Variants in NCAPH observed in about 807,000 individuals in gnomAD.
The protein encoded by NCAPH is condensin complex subunit 2.
In NCAPH, 38 loss-of-function variants were observed where a neutral mutation model predicts 85.5. That is an observed-to-expected ratio of 0.44 (90% CI 0.34 to 0.58). NCAPH has a LOEUF of 0.58. NCAPH is among the 20% of genes least tolerant of loss of function. The pLI, the probability that NCAPH is intolerant of heterozygous loss-of-function variation, is 0.01. For missense variants in NCAPH, 789 were observed against 916.6 expected (o/e 0.86, Z 1.80); for synonymous variants, 301 against 335.1 (o/e 0.90, Z 1.11).
In NCAPH at chr2:96,359,194, G is replaced by A. The variant is rs1469069204; in HGVS notation, c.1357+1G>A. Reference sequence around the variant, plus strand: ...TGGCGCTTTAGGCCTCGACGCAAACGTATGTAATTCTAGGTGGAATTTTAA... The same window carrying A: ...TGGCGCTTTAGGCCTCGACGCAAACATATGTAATTCTAGGTGGAATTTTAA... On this transcript the variant is annotated splice_donor_variant, in intron 10 of 17. Coordinates refer to ENST00000240423, the MANE Select transcript of NCAPH (RefSeq NM_015341.5). LOFTEE classifies it high-confidence loss of function. The A allele has an allele frequency of 3.1e-6, 5 of 1,613,638 alleles. No homozygotes were observed. The highest frequency in any genetic ancestry group is 3.3e-5 in the Admixed American group (2 of 59,908).
rs1484865074 is a variant in NCAPH at position 96,373,823 on chromosome 2, TTAA to T, written c.*478_*480del. On this transcript the variant is annotated 3_prime_UTR_variant, in exon 18 of 18. Coordinates refer to ENST00000240423, the MANE Select transcript of NCAPH (RefSeq NM_015341.5). ...TATAGAATGCTCAAAAATAAAATTC[TTAA>T]TAATAGAACTGGCAAAATATTTGAG... 1 of 151,354 alleles carries T rather than the reference TTAA, an allele frequency of 6.6e-6. No homozygotes were observed. The highest frequency in any genetic ancestry group is 1.5e-5 in the Non-Finnish European group (1 of 68,276). The allele number at this position is 151,354 out of a possible 1,614,324, so 9.4% of individuals were successfully genotyped here. A position where few individuals can be genotyped will look rare whatever the true frequency, so the allele number is the denominator to read the frequency against.
Position 96,343,479 on chromosome 2 carries a change from A to G in NCAPH, c.595+175A>G, listed in dbSNP as rs148747230. 3.2e-4 allele frequency among the ~76,000 whole-genome samples: 49 copies of G among 152,360 alleles called. No individual in the cohort carries two copies. In the East Asian group the frequency reaches 8.1e-3, roughly 25 times the overall value. On this transcript the variant is annotated intron_variant, in intron 5 of 17. Transcript: ENST00000240423. ...GAGAAGATACTCAAACACTAAAATT[A>G]TATTTCCTTGAAAAAGAGAAGGGCC... is the stretch of plus-strand genomic sequence containing the variant.
intron 12 of NCAPH, among the ~76,000 whole-genome samples, chr2:96,361,792 A>G (rs1323320700): frequency 8.5e-6 from 1 of 118,278 alleles, no homozygotes; most frequent in African/African-American, 3.1e-5. Flanking sequence ...ACACATATAT[A>G]TGTATATATA....
At chr2:96,371,656 CTTG>C (rs2064774476) in intron 17 of NCAPH, among the ~76,000 whole-genome samples, 1 of 152,176 alleles carries the variant, frequency 6.6e-6, no homozygotes, top group Non-Finnish European at 1.5e-5. Flanking sequence ...CAGCCCATGA[CTTG>C]TTGGGCTGAG....
intron 6 of NCAPH, among the ~76,000 whole-genome samples, chr2:96,348,379 C>T (rs1023253826): frequency 6.6e-6 from 1 of 151,790 alleles, no homozygotes; most frequent in Admixed American, 6.6e-5. Context: ...TTAGGAGAGA[C>T]GGGGTTTCAC....
At chr2:96,370,915 G>A (rs571063162) in intron 17 of NCAPH, among the ~76,000 whole-genome samples, 3 of 152,146 alleles carry the variant, frequency 2.0e-5, no homozygotes, top group Non-Finnish European at 4.4e-5. Context: ...GCTGTTGGGG[G>A]GCAGTAAGGC....
chr2:96,352,970 G>C (rs111284082), intron 7 of NCAPH, among the ~76,000 whole-genome samples: 1 of 152,172 alleles, frequency 6.6e-6, no homozygotes, highest in African/African-American at 2.4e-5. Context: ...AAGACGAAGC[G>C]TTTGATTTCC....
chr2:96,367,175 T>C (rs2064711974), intron 14 of NCAPH, 82 bp from the exon 15 acceptor site: 1 of 958,370 alleles, frequency 1.0e-6, no homozygotes, highest in South Asian at 1.4e-5. Context: ...TTAGTTGAAC[T>C]CCAGACCTTT....
At chr2:96,358,492 G>A (rs147359096) in intron 9 of NCAPH, among the ~76,000 whole-genome samples, 39 of 151,648 alleles carry the variant, frequency 2.6e-4, no homozygotes, top group South Asian at 2.3e-3. Flanking sequence ...TTTTTGAGAC[G>A]GAGTCTCACT....
intron 6 of NCAPH, 105 bp downstream of exon 6, chr2:96,344,334 T>A (rs1367507885): frequency 7.6e-7 from 1 of 1,320,360 alleles, no homozygotes; most frequent in African/African-American, 1.5e-5. Context: ...TGTTTAAGCC[T>A]CAAGGGAGTA....
At chr2:96,343,711 T>G (rs1282496150) in intron 5 of NCAPH, among the ~76,000 whole-genome samples, 2 of 151,924 alleles carry the variant, frequency 1.3e-5, no homozygotes, top group African/African-American at 4.8e-5. Flanking sequence ...TTTTGTTTTT[T>G]TTTTTTTTGA....
In NCAPH at chr2:96,341,746, G is replaced by T. The variant is rs1437064464; in HGVS notation, c.124G>T (p.Ala42Ser). The T allele has an allele frequency of 6.2e-7, 1 of 1,614,186 alleles. No homozygotes were observed. The highest frequency in any genetic ancestry group is 1.1e-5 in the South Asian group (1 of 91,084). Residue 42 changes from alanine to serine, a missense_variant, in exon 2 of 18, where the codon GCG becomes TCG. By Grantham distance (99) the Ala-to-Ser change is moderately conservative. Transcript: ENST00000240423. ...RVFPMPLPRK[A>S]PLNIPGTPVL... ...GTTCCCGATGCCCCTGCCCAGGAAG[G>T]CGCCTCTCAATATTCCTGGCACCCC... is the stretch of plus-strand genomic sequence containing the variant.
rs988476687 is a variant in NCAPH at position 96,338,146 on chromosome 2, C to T, written c.19+2298C>T. ...TTTGCCTTGTTGGCCAGGCTGGTCTCGAACTCCTGACCTCAAGTGATCCTC... is the reference window on the plus strand; with the variant it reads ...TTTGCCTTGTTGGCCAGGCTGGTCTTGAACTCCTGACCTCAAGTGATCCTC... On this transcript the variant is annotated intron_variant, in intron 1 of 17. Transcript: ENST00000240423. 2.0e-5 allele frequency among the ~76,000 whole-genome samples: 3 copies of T among 148,170 alleles called. No individual in the cohort carries two copies. In the East Asian group the frequency reaches 6.0e-4, roughly 30 times the overall value.
At chr2:96,345,145 A>G (rs2064346228) in intron 6 of NCAPH, among the ~76,000 whole-genome samples, 1 of 152,230 alleles carries the variant, frequency 6.6e-6, no homozygotes, top group African/African-American at 2.4e-5. Context: ...AACATCCAGT[A>G]GGTAGGAGGA....
chr2:96,369,749 C>T (rs1474939092), intron 17 of NCAPH, among the ~76,000 whole-genome samples: 4 of 152,128 alleles, frequency 2.6e-5, no homozygotes, highest in Admixed American at 2.0e-4. Flanking sequence ...GAATTGTGAT[C>T]GGTAAGTTCC....
chr2:96,345,069 G>A (rs2064345353), intron 6 of NCAPH, among the ~76,000 whole-genome samples: 1 of 152,198 alleles, frequency 6.6e-6, no homozygotes, highest in Non-Finnish European at 1.5e-5. Context: ...CCAAGGAAAT[G>A]AATGTATATG....
intron 17 of NCAPH, among the ~76,000 whole-genome samples, chr2:96,370,002 G>T (rs1006813859): frequency 6.6e-6 from 1 of 152,234 alleles, no homozygotes; most frequent in African/African-American, 2.4e-5. Context: ...GGTCAGCGTG[G>T]CAGACTCCTG....
chr2:96,361,792 ATGT>A (rs2064620452), intron 12 of NCAPH, among the ~76,000 whole-genome samples: 2 of 118,278 alleles, frequency 1.7e-5, no homozygotes, highest in Admixed American at 9.7e-5. Context: ...ACACATATAT[ATGT>A]ATATATATGT....
rs1484624463 is a variant in NCAPH at position 96,375,242 on chromosome 2, A to G, written c.*1891A>G. On this transcript the variant is annotated 3_prime_UTR_variant, in exon 18 of 18. Transcript: ENST00000240423. ...AAAAAAAACTGGCGAGTTCAATACC[A>G]ACTTCTACAATGAAATCCCCTTCCC... 2.6e-5 allele frequency among the ~76,000 whole-genome samples: 4 copies of G among 151,770 alleles called. No homozygotes were observed. Among genetic ancestry groups the G allele is most frequent in the Non-Finnish European group, 4.4e-5 (3 of 67,950 alleles).
Sources: allele counts gnomAD v4.1 joint callset (sites outside exome capture counted in the v4.1 genomes callset), GRCh38; gene constraint gnomAD v4.1.1; transcripts MANE v1.5; gene names NCBI Gene and HGNC (gene_info 2026-07-23, HGNC 2026-07-21).